EPC2: variants seen among roughly 807,000 people sequenced by gnomAD.
EPC2 encodes the protein enhancer of polycomb homolog 2.
A neutral mutation model predicts 92.1 loss-of-function variants in EPC2; 14 were observed. The observed-to-expected ratio is 0.15, with a 90% CI of 0.10 to 0.24. The LOEUF (loss-of-function observed/expected upper bound fraction) is 0.24. EPC2 is among the 10% of genes least tolerant of loss of function. EPC2 has a pLI of 1.00. For synonymous variants in EPC2, 340 were observed against 334.7 expected (o/e 1.02, Z -0.17); for missense variants, 755 against 971.5 (o/e 0.78, Z 2.96).
intron 1 of EPC2, among the ~76,000 whole-genome samples, chr2:148,646,877 C>T (rs938755622): frequency 4.6e-5 from 7 of 151,900 alleles, no homozygotes; most frequent in African/African-American, 7.3e-5. Context: ...TTTGGAAGGC[C>T]GAGGTGGGCG....
At chr2:148,704,606 G>T (rs1681956394) in intron 2 of EPC2, among the ~76,000 whole-genome samples, 1 of 152,156 alleles carries the variant, frequency 6.6e-6, no homozygotes, top group African/African-American at 2.4e-5. Flanking sequence ...TTCTTGATGA[G>T]TCACAGTGAG....
chr2:148,778,092 G>A (rs1683681959), intron 10 of EPC2, among the ~76,000 whole-genome samples: 1 of 152,166 alleles, frequency 6.6e-6, no homozygotes, highest in Admixed American at 6.5e-5. Flanking sequence ...TCTATCTGGA[G>A]TATTGAAATA....
At chr2:148,683,701 A>C (rs1367646155) in intron 1 of EPC2, among the ~76,000 whole-genome samples, 1 of 152,162 alleles carries the variant, frequency 6.6e-6, no homozygotes, top group Non-Finnish European at 1.5e-5. Flanking sequence ...GTTGCTGCAA[A>C]TGCCATTATT....
chr2:148,651,197 A>G (rs1372552867), intron 1 of EPC2, among the ~76,000 whole-genome samples: 2 of 152,206 alleles, frequency 1.3e-5, no homozygotes. Flanking sequence ...ATTTGAGCAT[A>G]AGAATATCTA....
intron 1 of EPC2, among the ~76,000 whole-genome samples, chr2:148,660,966 C>G (rs1160002382): frequency 6.6e-6 from 1 of 151,854 alleles, no homozygotes; most frequent in Non-Finnish European, 1.5e-5. Context: ...ATTATCTTAT[C>G]TTTTATCATT....
intron 2 of EPC2, among the ~76,000 whole-genome samples, chr2:148,709,966 G>A (rs1191822483): frequency 2.6e-5 from 4 of 152,074 alleles, no homozygotes; most frequent in African/African-American, 7.2e-5. Flanking sequence ...AACACCAAAA[G>A]CAATGGCAAA....
intron 12 of EPC2, 28 bp from the exon 13 acceptor site, chr2:148,784,640 C>G: frequency 1.4e-6 from 2 of 1,457,076 alleles, no homozygotes; most frequent in Non-Finnish European, 1.9e-6. Context: ...TCTCATGATA[C>G]TAGTTGAATG....
At chr2:148,674,670 A>G (rs1681229308) in intron 1 of EPC2, among the ~76,000 whole-genome samples, 1 of 152,214 alleles carries the variant, frequency 6.6e-6, no homozygotes, top group South Asian at 2.1e-4. Flanking sequence ...TCTCCTGAGG[A>G]AGAAGCCATA....
intron 2 of EPC2, 59 bp downstream of exon 2, chr2:148,690,432 T>C (rs1681623584): frequency 1.4e-6 from 2 of 1,445,622 alleles, no homozygotes; most frequent in African/African-American, 2.9e-5. Flanking sequence ...CCAGTGGAAA[T>C]CTTTTCTTTT....
At chr2:148,688,576 T>A (rs1006630249) in intron 1 of EPC2, among the ~76,000 whole-genome samples, 4 of 152,002 alleles carry the variant, frequency 2.6e-5, no homozygotes, top group Admixed American at 2.0e-4. Flanking sequence ...AATAAAATTT[T>A]AAAAAAAGAA....
intron 2 of EPC2, among the ~76,000 whole-genome samples, chr2:148,690,767 A>T (rs1402587277): frequency 1.3e-5 from 2 of 151,630 alleles, no homozygotes; most frequent in East Asian, 3.9e-4. Context: ...GGTTTAAGTG[A>T]TTCTCCTGCT....
intron 2 of EPC2, among the ~76,000 whole-genome samples, chr2:148,697,442 C>A (rs908651314): frequency 1.3e-5 from 2 of 151,746 alleles, no homozygotes; most frequent in Admixed American, 6.6e-5. Flanking sequence ...AATGGAAGAG[C>A]ACTATGAATG....
At chr2:148,762,646 TTA>T in intron 5 of EPC2, 22 bp from the exon 6 acceptor site, 1 of 1,530,356 alleles carries the variant, frequency 6.5e-7, no homozygotes, top group Non-Finnish European at 8.8e-7. Flanking sequence ...CAATGTTTTC[TTA>T]TATTTTTGTT....
intron 2 of EPC2, among the ~76,000 whole-genome samples, chr2:148,700,296 T>C (rs1681846158): frequency 6.6e-6 from 1 of 152,204 alleles, no homozygotes; most frequent in Non-Finnish European, 1.5e-5. Flanking sequence ...AAGCTCATCA[T>C]CAAACCCAAG....
rs565242403 is a variant in EPC2 at position 148,740,029 on chromosome 2, G to C, written c.314-3593G>C. Among the ~76,000 whole-genome samples the C allele has an allele frequency of 5.3e-5, 8 of 151,298 alleles. No individual in the cohort carries two copies. The South Asian group carries it at 1.7e-3, about 32-fold the overall frequency. On this transcript the variant is annotated intron_variant, in intron 2 of 13. Coordinates refer to ENST00000258484, the MANE Select transcript of EPC2 (RefSeq NM_015630.4). ...TGAGGTGGGAGGTATTGTTTTATCT[G>C]TTTTGTTTGGTTGACTGACCTATGA...
intron 1 of EPC2, among the ~76,000 whole-genome samples, chr2:148,662,302 C>T (rs1425434160): frequency 2.0e-5 from 3 of 152,138 alleles, no homozygotes; most frequent in East Asian, 3.8e-4. Flanking sequence ...TTTGACCCAG[C>T]CATCCCATTA....
intron 3 of EPC2, among the ~76,000 whole-genome samples, chr2:148,750,125 A>G (rs985898183): frequency 6.6e-6 from 1 of 152,040 alleles, no homozygotes; most frequent in Admixed American, 6.6e-5. Flanking sequence ...TCATTTTATC[A>G]TTCTAATTTC....
intron 1 of EPC2, among the ~76,000 whole-genome samples, chr2:148,676,015 C>T (rs1446674749): frequency 6.6e-6 from 1 of 152,056 alleles, no homozygotes; most frequent in Non-Finnish European, 1.5e-5. Flanking sequence ...ACCAGTGTGG[C>T]CATAGAACCT....
chr2:148,713,331 G>A (rs1682193142), intron 2 of EPC2, among the ~76,000 whole-genome samples: 1 of 152,060 alleles, frequency 6.6e-6, no homozygotes, highest in South Asian at 2.1e-4. Context: ...GTGTGTTTAT[G>A]TCTTAGTTTT....
Sources: allele counts gnomAD v4.1 joint callset (sites outside exome capture counted in the v4.1 genomes callset), GRCh38; gene constraint gnomAD v4.1.1; transcripts MANE v1.5; gene names NCBI Gene and HGNC (gene_info 2026-07-23, HGNC 2026-07-21).